The following SGIP1 variants were observed in gnomAD, a reference collection of about 807,000 sequenced individuals.
SGIP1 encodes the protein SH3GL interacting endocytic adaptor 1.
SGIP1 carries 38 observed loss-of-function variants against 107.5 expected under a neutral mutation model. The observed-to-expected ratio is 0.35, with a 90% CI of 0.27 to 0.46. SGIP1 has a LOEUF of 0.46. Among genes scored for constraint, SGIP1 ranks in the 20% least tolerant of loss-of-function variants. The probability of loss-of-function intolerance (pLI) is 1.00; values close to 1 mark genes in which losing one functional copy is unlikely to be tolerated. For missense variants in SGIP1, 929 were observed against 1,019.5 expected, an observed-to-expected ratio of 0.91 and a Z score of 1.21; for synonymous variants, 365 against 366.1, an observed-to-expected ratio of 1.00 and a Z score of 0.03.
chr1:66,685,740 T>G lies in SGIP1; in HGVS notation c.1315+3371T>G, dbSNP rs907109608. ...TTATTTTAATTATAATTTTAGTTGC[T>G]TAACATTAATATAAAAAGTTCATTC... On this transcript the variant is annotated intron_variant, in intron 15 of 24. Coordinates refer to ENST00000371037, the MANE Select transcript of SGIP1 (RefSeq NM_032291.4). Among the ~76,000 whole-genome samples the G allele has an allele frequency of 2.6e-5, 4 of 152,228 alleles. No individual in the cohort carries two copies. In the South Asian group the frequency reaches 8.3e-4, roughly 32 times the overall value.
At chr1:66,713,360 A>G (rs2093035756) in intron 18 of SGIP1, among the ~76,000 whole-genome samples, 1 of 152,180 alleles carries the variant, frequency 6.6e-6, no homozygotes, top group Admixed American at 6.5e-5. Context: ...CAGAAAATCT[A>G]GGATTGAATT....
At chr1:66,703,487 T>C (rs916234604) in intron 18 of SGIP1, among the ~76,000 whole-genome samples, 3 of 151,740 alleles carry the variant, frequency 2.0e-5, no homozygotes, top group Non-Finnish European at 4.4e-5. Flanking sequence ...AATTAATGCA[T>C]ATCCATTTGC....
rs1163370241 is a variant in SGIP1 at position 66,745,737 on chromosome 1, G to C, written c.*2642G>C. 2 of 151,976 alleles carry C rather than the reference G, an allele frequency of 1.3e-5. No homozygotes were observed. The highest frequency in any genetic ancestry group is 2.4e-5 in the African/African-American group (1 of 41,404). 9.4% of individuals were successfully genotyped at this position (151,976 alleles called of 1,614,324 possible). On this transcript the variant is annotated 3_prime_UTR_variant, in exon 25 of 25. Transcript: ENST00000371037. ...TCCTGAACGTTATGATCTTTAAAAG[G>C]TTCTGCTTTAGCAAGATAAAAAGTA...
chr1:66,542,245 GTTAA>G (rs1243820003), intron 1 of SGIP1, among the ~76,000 whole-genome samples: 1 of 151,968 alleles, frequency 6.6e-6, no homozygotes, highest in Admixed American at 6.6e-5. Flanking sequence ...CTATGGTAAA[GTTAA>G]TTTGTAAATA....
chr1:66,653,784 C>T (rs973733042), intron 7 of SGIP1, among the ~76,000 whole-genome samples: 2 of 152,092 alleles, frequency 1.3e-5, no homozygotes, highest in East Asian at 1.9e-4. Context: ...AATCAAAAAA[C>T]GCTAACTTTT....
At chr1:66,598,194 G>A (rs979055632) in intron 1 of SGIP1, among the ~76,000 whole-genome samples, 1 of 152,126 alleles carries the variant, frequency 6.6e-6, no homozygotes, top group Admixed American at 6.5e-5. Context: ...AGAGAAATGG[G>A]TGATTTTAAT....
chr1:66,710,256 C>A (rs528497668), intron 18 of SGIP1, among the ~76,000 whole-genome samples: 6 of 152,224 alleles, frequency 3.9e-5, no homozygotes, highest in African/African-American at 1.4e-4. Context: ...TTCTACTGAA[C>A]TATATAGAAA....
At chr1:66,597,145 A>G (rs975946600) in intron 1 of SGIP1, among the ~76,000 whole-genome samples, 3 of 152,186 alleles carry the variant, frequency 2.0e-5, no homozygotes, top group Non-Finnish European at 4.4e-5. Context: ...CGTACAGATT[A>G]TTTCATCAAC....
At chr1:66,691,176 C>T (rs1450049914) in intron 17 of SGIP1, among the ~76,000 whole-genome samples, 1 of 152,116 alleles carries the variant, frequency 6.6e-6, no homozygotes, top group Non-Finnish European at 1.5e-5. Context: ...TCCCCTCTGG[C>T]TCTTCCATAG....
chr1:66,719,357 C>T lies in SGIP1; in HGVS notation c.1694C>T (p.Ala565Val). ...CAGGACACTCTCCCTGTTGCAGCAGCATTTACAGAAACAGTCAATGCCTAT... is the reference window on the plus strand; with the variant it reads ...CAGGACACTCTCCCTGTTGCAGCAGTATTTACAGAAACAGTCAATGCCTAT... Reference protein sequence around the residue: ...GAQDTLPVAAAFTETVNAYFK... With the variant: ...GAQDTLPVAAVFTETVNAYFK... The change falls in exon 19 of 25, where the codon GCA (alanine) becomes GTA (valine). Residue 565 changes from alanine to valine, a missense_variant. By Grantham distance (64) the Ala-to-Val change is moderately conservative (BLOSUM62 0). This residue lies in a region of SGIP1 where 341 missense variants were observed against 430.9 expected (regional missense o/e 0.79). Coordinates refer to ENST00000371037, the MANE Select transcript of SGIP1 (RefSeq NM_032291.4). The T allele has an allele frequency of 1.9e-6, 3 of 1,613,610 alleles. No homozygotes were observed. The highest frequency in any genetic ancestry group is 2.5e-6 in the Non-Finnish European group (3 of 1,179,710).
At chr1:66,681,071 G>A (rs1342761482) in intron 14 of SGIP1, among the ~76,000 whole-genome samples, 1 of 152,142 alleles carries the variant, frequency 6.6e-6, no homozygotes, top group Non-Finnish European at 1.5e-5. Context: ...TGCTTATGAG[G>A]TTGACAGGTT....
At chr1:66,619,948 T>TG (rs2070514661) in intron 1 of SGIP1, among the ~76,000 whole-genome samples, 1 of 152,240 alleles carries the variant, frequency 6.6e-6, no homozygotes, top group Non-Finnish European at 1.5e-5. Context: ...CTTTGGAGTA[T>TG]GAGACTTTGA....
At chr1:66,687,564 G>C (rs1373666219) in intron 15 of SGIP1, among the ~76,000 whole-genome samples, 1 of 152,152 alleles carries the variant, frequency 6.6e-6, no homozygotes, top group African/African-American at 2.4e-5. Flanking sequence ...ATACACCACA[G>C]TCCACAGTCC....
At chr1:66,567,265 G>A (rs921066779) in intron 1 of SGIP1, among the ~76,000 whole-genome samples, 1 of 152,094 alleles carries the variant, frequency 6.6e-6, no homozygotes, top group African/African-American at 2.4e-5. Flanking sequence ...CAGTGATGAT[G>A]AGCTCTTTTT....
intron 4 of SGIP1, 113 bp from the exon 5 acceptor site, chr1:66,639,664 C>T: frequency 2.4e-6 from 2 of 827,024 alleles, no homozygotes; most frequent in Non-Finnish European, 4.0e-6. Flanking sequence ...TATGTCTTTC[C>T]AGTGCTGGAT....
intron 1 of SGIP1, among the ~76,000 whole-genome samples, chr1:66,544,464 T>A (rs1305786458): frequency 6.6e-6 from 1 of 152,068 alleles, no homozygotes; most frequent in African/African-American, 2.4e-5. Context: ...GGTAGGTGGA[T>A]CACTTGAAGC....
chr1:66,543,284 T>G (rs1007562797), intron 1 of SGIP1, among the ~76,000 whole-genome samples: 4 of 152,180 alleles, frequency 2.6e-5, no homozygotes, highest in African/African-American at 9.7e-5. Context: ...AAAAGCCCTT[T>G]TTTTTCCCTG....
At chr1:66,683,048 T>G (rs1020859266) in intron 15 of SGIP1, among the ~76,000 whole-genome samples, 11 of 152,190 alleles carry the variant, frequency 7.2e-5, no homozygotes, top group Non-Finnish European at 5.9e-5. Flanking sequence ...AGGTCAACTC[T>G]AAGTGTGGTG....
intron 1 of SGIP1, among the ~76,000 whole-genome samples, chr1:66,549,689 A>T (rs924031918): frequency 6.6e-6 from 1 of 152,158 alleles, no homozygotes; most frequent in Admixed American, 6.5e-5. Context: ...AGAACTTGCT[A>T]CAAGATGATA....
Sources: allele counts gnomAD v4.1 joint callset (sites outside exome capture counted in the v4.1 genomes callset), GRCh38; gene constraint gnomAD v4.1.1; regional missense constraint gnomAD v4.1.1; transcripts MANE v1.5; gene names NCBI Gene and HGNC (gene_info 2026-07-23, HGNC 2026-07-21).